RBFOX1: variants seen among roughly 807,000 people sequenced by gnomAD.
RBFOX1 encodes the protein RNA binding protein fox-1 homolog 1.
Under a neutral mutation model 57.7 loss-of-function variants are expected in RBFOX1, and 8 were observed. That is an observed-to-expected ratio of 0.14 (90% confidence interval 0.08 to 0.25). RBFOX1 has a LOEUF of 0.25. Among genes scored for constraint, RBFOX1 ranks in the 10% least tolerant of loss-of-function variants. RBFOX1 has a pLI of 1.00. For synonymous variants in RBFOX1, 326 were observed against 222.4 expected, an observed-to-expected ratio of 1.47 and a Z score of -4.15; for missense variants, 611 against 548.5, an observed-to-expected ratio of 1.11 and a Z score of -1.14.
intron 1 of RBFOX1, among the ~76,000 whole-genome samples, chr16:6,198,300 A>G (rs1359674329): frequency 6.6e-6 from 1 of 152,204 alleles, no homozygotes; most frequent in Non-Finnish European, 1.5e-5. Context: ...TAAAAAGGAG[A>G]AAGAATCAGC....
At chr16:7,343,358 G>T (rs545774263) in intron 4 of RBFOX1, among the ~76,000 whole-genome samples, 1 of 152,236 alleles carries the variant, frequency 6.6e-6, no homozygotes, top group Non-Finnish European at 1.5e-5. Flanking sequence ...AGGAGCATGG[G>T]ACTCCAGAAC....
intron 1 of RBFOX1, among the ~76,000 whole-genome samples, chr16:6,058,833 TATCCATCC>T (rs35496154): frequency 0.063 from 8,522 of 134,300 alleles, 281 homozygotes; most frequent in Middle Eastern, 0.096. Flanking sequence ...CTCATTTATT[TATCCATCC>T]ATCCATCCAT....
intron 4 of RBFOX1, among the ~76,000 whole-genome samples, chr16:7,225,464 T>G (rs748512980): frequency 6.6e-6 from 1 of 152,056 alleles, no homozygotes; most frequent in Non-Finnish European, 1.5e-5. Flanking sequence ...TCCACCATGA[T>G]TGTGAGGCCT....
intron 4 of RBFOX1, among the ~76,000 whole-genome samples, chr16:7,329,939 C>T (rs1026710720): frequency 6.6e-6 from 1 of 152,160 alleles, no homozygotes; most frequent in East Asian, 1.9e-4. Flanking sequence ...CACACAGTCA[C>T]GTGTCCCTTA....
rs2060181578 is a variant in RBFOX1, at chr16:5,981,908, CA to C, written c.351+114574del. On this transcript the variant is annotated intron_variant, in intron 4 of 19. Coordinates refer to the RBFOX1 transcript ENST00000641259. ...GGCGGAGGCCAGGCAGGCCGGTAAA[CA>C]TCCCATAGTGCACCCCCTCACCACA... 2.6e-5 allele frequency among the ~76,000 whole-genome samples: 4 copies of C among 152,358 alleles called. No individual in the cohort carries two copies. In the South Asian group the frequency reaches 8.3e-4, roughly 32 times the overall value.
chr16:7,430,623 G>A (rs574100284), intron 4 of RBFOX1, among the ~76,000 whole-genome samples: 2 of 147,226 alleles, frequency 1.4e-5, no homozygotes, highest in Non-Finnish European at 3.0e-5. Flanking sequence ...TTATGCCACT[G>A]CACACCAGCC....
intron 4 of RBFOX1, among the ~76,000 whole-genome samples, chr16:7,454,531 A>T (rs1200242847): frequency 6.6e-6 from 1 of 152,178 alleles, no homozygotes; most frequent in African/African-American, 2.4e-5. Context: ...ATTCCCATGC[A>T]TGTGAGAAAG....
intron 4 of RBFOX1, among the ~76,000 whole-genome samples, chr16:7,170,512 G>C (rs983276677): frequency 6.6e-6 from 1 of 152,202 alleles, no homozygotes; most frequent in Non-Finnish European, 1.5e-5. Flanking sequence ...CTCAGCTCAA[G>C]TATGAGTAGA....
chr16:6,042,605 G>T (rs537069109), intron 1 of RBFOX1, among the ~76,000 whole-genome samples: 2 of 152,236 alleles, frequency 1.3e-5, no homozygotes, highest in South Asian at 4.2e-4. Flanking sequence ...AGAAACTCTG[G>T]AAGATATTTA....
At chr16:5,663,657 A>C (rs1211423895) in intron 3 of RBFOX1, among the ~76,000 whole-genome samples, 1 of 152,168 alleles carries the variant, frequency 6.6e-6, no homozygotes, top group African/African-American at 2.4e-5. Flanking sequence ...TAAAGCCCCT[A>C]CTTGGTGTAA....
At chr16:6,247,349 C>A (rs925228662) in intron 1 of RBFOX1, among the ~76,000 whole-genome samples, 3 of 152,176 alleles carry the variant, frequency 2.0e-5, no homozygotes, top group African/African-American at 7.2e-5. Flanking sequence ...CTTGTTCAGA[C>A]TTTGGCAGCT....
At chr16:7,251,108 T>A (rs1162989170) in intron 4 of RBFOX1, among the ~76,000 whole-genome samples, 1 of 152,190 alleles carries the variant, frequency 6.6e-6, no homozygotes, top group African/African-American at 2.4e-5. Flanking sequence ...TTCTTGAAAC[T>A]ATTCCTCCTA....
intron 1 of RBFOX1, among the ~76,000 whole-genome samples, chr16:6,123,005 G>C (rs1356517308): frequency 6.6e-6 from 1 of 151,820 alleles, no homozygotes; most frequent in Non-Finnish European, 1.5e-5. Context: ...GTTCTCTGGA[G>C]AATATTAGCA....
At chr16:6,611,232 C>T (rs867358574) in intron 2 of RBFOX1, among the ~76,000 whole-genome samples, 12 of 152,234 alleles carry the variant, frequency 7.9e-5, no homozygotes, top group South Asian at 4.1e-4. Context: ...CTGCAACCTC[C>T]GGCTCCCAGG....
intron 1 of RBFOX1, among the ~76,000 whole-genome samples, chr16:5,292,577 T>C (rs909700423): frequency 6.6e-6 from 1 of 152,170 alleles, no homozygotes; most frequent in Non-Finnish European, 1.5e-5. Flanking sequence ...CTCCCCCTGA[T>C]TGGTGGAGGG....
At chr16:6,950,242 G>A (rs982282588) in intron 3 of RBFOX1, among the ~76,000 whole-genome samples, 1 of 151,498 alleles carries the variant, frequency 6.6e-6, no homozygotes, top group Non-Finnish European at 1.5e-5. Context: ...ACAGGCATGA[G>A]CCACCATGTC....
Position 6,640,794 on chromosome 16 carries a change from C to G in RBFOX1, c.-63-13809C>G, listed in dbSNP as rs117902553. Among the ~76,000 whole-genome samples the G allele has an allele frequency of 5.9e-3, 898 of 152,164 alleles. 5 individuals carry two copies. Among genetic ancestry groups the G allele is most frequent in the South Asian group, 0.025 (118 of 4,806 alleles). ...GGTTTTTCCTTCAGTTGGCCTTGAA[C>G]CAGAATACGTTCTCTGGGCCTCTCT... On this transcript the variant is annotated intron_variant, in intron 2 of 15. Coordinates refer to ENST00000550418, the MANE Select transcript of RBFOX1 (RefSeq NM_018723.4).
intron 1 of RBFOX1, among the ~76,000 whole-genome samples, chr16:6,285,878 A>G (rs1288090859): frequency 6.6e-6 from 1 of 152,274 alleles, no homozygotes; most frequent in Non-Finnish European, 1.5e-5. Context: ...CATGTAACCC[A>G]AGAAGGAACG....
chr16:6,766,315 A>C (rs1187751043), intron 3 of RBFOX1, among the ~76,000 whole-genome samples: 1 of 151,918 alleles, frequency 6.6e-6, no homozygotes, highest in Non-Finnish European at 1.5e-5. Context: ...TTTTTTATTT[A>C]GTTTTTTAAT....
Sources: allele counts gnomAD v4.1 joint callset (sites outside exome capture counted in the v4.1 genomes callset), GRCh38; gene constraint gnomAD v4.1.1; transcripts MANE v1.5; gene names NCBI Gene and HGNC (gene_info 2026-07-23, HGNC 2026-07-21).